TRIM49: variants seen among roughly 807,000 people sequenced by gnomAD.
The protein encoded by TRIM49 is tripartite motif containing 49.
A neutral mutation model predicts 27.4 loss-of-function variants in TRIM49; 5 were observed. That is an observed-to-expected ratio of 0.18 (90% CI 0.10 to 0.38). TRIM49 has a LOEUF of 0.38. Ranked by LOEUF, TRIM49 falls within the 10% of genes least tolerant of loss-of-function variation. The pLI, the probability that TRIM49 is intolerant of heterozygous loss-of-function variation, is 1.00. For missense variants in TRIM49, 188 were observed against 487.5 expected (o/e 0.39, Z 5.79); for synonymous variants, 69 against 166.0 (o/e 0.42, Z 4.49).
chr11:89,792,950 C>G (rs1470158331), downstream of TRIM49, among the ~76,000 whole-genome samples: 9 of 152,096 alleles, frequency 5.9e-5, no homozygotes, highest in Non-Finnish European at 1.3e-4. Flanking sequence ...ATCAGTGAAT[C>G]CAGGAGCTGG....
intron 1 of TRIM49, among the ~76,000 whole-genome samples, chr11:89,808,202 A>C (rs1949801368): frequency 7.5e-6 from 1 of 132,844 alleles, no homozygotes; most frequent in South Asian, 2.3e-4. Flanking sequence ...TTTTGTTGTT[A>C]TATGAAAATT....
chr11:89,801,130 C>T, intron 5 of TRIM49, 142 bp from the exon 6 acceptor site: 1 of 1,505,820 alleles, frequency 6.6e-7, no homozygotes, highest in East Asian at 2.4e-5. Flanking sequence ...TCTGTTTCTT[C>T]TGTAAAGAAA....
chr11:89,782,108 A>T, the TRIM49 span: 2 of 1,550,988 alleles, frequency 1.3e-6, no homozygotes. Flanking sequence ...TCGAGATTCC[A>T]GAACAGCAGA....
At position 89,806,020 on chromosome 11, in the gene TRIM49, C is replaced by A. The variant is rs149135572; in HGVS notation, c.-5+1079G>T. On this transcript the variant is annotated intron_variant, in intron 2 of 7. Coordinates refer to ENST00000329758, the MANE Select transcript of TRIM49 (RefSeq NM_020358.2). ...TAGGCACGCGCCACAGTGCCCAGCCCGGCGGTTTCATTGTTTTAATATGAT... is the reference window on the plus strand; with the variant it reads ...TAGGCACGCGCCACAGTGCCCAGCCAGGCGGTTTCATTGTTTTAATATGAT... 2.8e-3 allele frequency among the ~76,000 whole-genome samples: 417 copies of A among 150,342 alleles called. 6 individuals are homozygous for A. In the South Asian group the frequency reaches 0.029, roughly 10 times the overall value.
chr11:89,806,070 G>A (rs1179875230), intron 2 of TRIM49, among the ~76,000 whole-genome samples: 1 of 149,778 alleles, frequency 6.7e-6, no homozygotes, highest in Non-Finnish European at 1.5e-5. Context: ...AAATCTAGAT[G>A]GTATAGCCTA....
In TRIM49 at chr11:89,800,742, C is replaced by CA. The variant is rs527252935; in HGVS notation, c.761+223dup. On this transcript the variant is annotated intron_variant, in intron 6 of 7. Transcript: ENST00000329758. ...TGGGCGACAGAGCCAGACACCGTCT[C>CA]AAAAAAAAAACAAAAGCAGGAATCA... 6.4e-3 allele frequency among the ~76,000 whole-genome samples: 887 copies of CA among 138,804 alleles called. 17 individuals carry two copies. Among genetic ancestry groups the CA allele is most frequent in the South Asian group, 0.012 (51 of 4,380 alleles). The allele number at this position is 138,804 out of a possible 152,430, so 91.1% of individuals were successfully genotyped here.
At chr11:89,794,662 T>C (rs1271065014), downstream of TRIM49, among the ~76,000 whole-genome samples, 2 of 144,792 alleles carry the variant, frequency 1.4e-5, no homozygotes, top group Non-Finnish European at 1.5e-5. Flanking sequence ...TAATAAATGG[T>C]GCTGGGAAAA....
At chr11:89,787,479 C>A in the TRIM49 span, 3 of 435,962 alleles carry the variant, frequency 6.9e-6, no homozygotes, top group Non-Finnish European at 1.2e-5. Flanking sequence ...CTAGAGGCGG[C>A]GGGCTCCCGT....
chr11:89,792,006 G>T, the TRIM49 span, among the ~76,000 whole-genome samples: 1 of 147,854 alleles, frequency 6.8e-6, no homozygotes, highest in African/African-American at 2.5e-5. Context: ...CCCATCTCAC[G>T]TGCAGAGACA....
At chr11:89,790,890 C>G in the TRIM49 span, among the ~76,000 whole-genome samples, 1 of 152,140 alleles carries the variant, frequency 6.6e-6, no homozygotes, top group Non-Finnish European at 1.5e-5. Flanking sequence ...TGGAACGAAG[C>G]TGGATGGAGA....
the TRIM49 span, among the ~76,000 whole-genome samples, chr11:89,773,910 C>G: frequency 7.4e-6 from 1 of 135,926 alleles, no homozygotes; most frequent in African/African-American, 3.4e-5. Flanking sequence ...GCACTCCAGC[C>G]TGGGCGACAG....
chr11:89,769,400 A>T, the TRIM49 span, among the ~76,000 whole-genome samples: 2 of 137,018 alleles, frequency 1.5e-5, 1 homozygote, highest in African/African-American at 6.7e-5. Context: ...TCTACCGTTC[A>T]TGGAGAGGAG....
At chr11:89,789,716 G>T in the TRIM49 span, 3 of 152,198 alleles carry the variant, frequency 2.0e-5, no homozygotes, top group Admixed American at 2.0e-4. Flanking sequence ...TTGTTGGGTT[G>T]CCAGGCATTC....
intron 7 of TRIM49, 24 bp from the exon 8 acceptor site, chr11:89,798,653 A>T: frequency 6.7e-7 from 1 of 1,498,448 alleles, no homozygotes; most frequent in Non-Finnish European, 8.8e-7. Flanking sequence ...AAAAAAGAAA[A>T]CATGCATAGA....
At chr11:89,790,976 A>G in the TRIM49 span, among the ~76,000 whole-genome samples, 1 of 151,668 alleles carries the variant, frequency 6.6e-6, no homozygotes, top group Admixed American at 6.6e-5. Flanking sequence ...GTTCGAATCC[A>G]TTGCAAAGAA....
At chr11:89,773,187 T>C in the TRIM49 span, among the ~76,000 whole-genome samples, 15 of 135,234 alleles carry the variant, frequency 1.1e-4, no homozygotes, top group Admixed American at 9.7e-4. Context: ...GGAGACTGCG[T>C]CTCAAAAAAA....
intron 3 of TRIM49, 109 bp downstream of exon 3, chr11:89,803,950 G>C (rs1034208155): frequency 1.9e-6 from 3 of 1,604,516 alleles, no homozygotes; most frequent in Non-Finnish European, 2.6e-6. Context: ...AGCCCAAACA[G>C]AGCTGCTTAA....
chr11:89,802,678 A>G (rs1285475095), intron 4 of TRIM49, among the ~76,000 whole-genome samples: 1 of 151,008 alleles, frequency 6.6e-6, no homozygotes, highest in Admixed American at 6.6e-5. Context: ...CCACACACAC[A>G]TTTGTGTTCC....
rs753648515 is a variant in TRIM49, at chr11:89,804,308, T to A, written c.162A>T (p.Glu54Asp). 4.3e-6 allele frequency: 7 copies of A among 1,611,984 alleles called. No homozygotes were observed. In the East Asian group the frequency reaches 1.6e-4, roughly 36 times the overall value. Residue 54 changes from glutamate to aspartate, a missense_variant, in exon 3 of 8, where the codon GAA becomes GAT. This residue lies in a region of TRIM49 where 37 missense variants were observed against 52.4 expected (regional missense o/e 0.71). Coordinates refer to ENST00000329758, the MANE Select transcript of TRIM49 (RefSeq NM_020358.2). ...QDIPFLVQCSECTKSTEQINL... is the reference protein window; with the variant it reads ...QDIPFLVQCSDCTKSTEQINL... ...TTATCTGCTCGGTTGACTTTGTGCA[T>A]TCAGAGCACTGGACAAGAAATGGGA...
Sources: gnomAD v4.1 joint callset for allele counts (sites outside exome capture counted in the v4.1 genomes callset) on GRCh38, gnomAD v4.1.1 for gene constraint, gnomAD v4.1.1 regional missense constraint, MANE v1.5 for transcripts, NCBI Gene and HGNC (gene_info 2026-07-23, HGNC 2026-07-21) for gene names.